PIK3C2G: variants seen among roughly 807,000 people sequenced by gnomAD.
The protein encoded by PIK3C2G is phosphatidylinositol 3-kinase C2 domain-containing subunit gamma.
Under a neutral mutation model 181.1 loss-of-function variants are expected in PIK3C2G, and 168 were observed. That is an observed-to-expected ratio of 0.93 (90% CI 0.82 to 1.05). The LOEUF is 1.05. Among genes scored for constraint, PIK3C2G ranks in the 50% least tolerant of loss-of-function variants. The probability of loss-of-function intolerance (pLI) is 0.00; values close to 1 mark genes in which losing one functional copy is unlikely to be tolerated. For synonymous variants in PIK3C2G, 573 were observed against 592.2 expected, an observed-to-expected ratio of 0.97 and a Z score of 0.47; for missense variants, 1,869 against 1,732.8, an observed-to-expected ratio of 1.08 and a Z score of -1.40.
intron 26 of PIK3C2G, among the ~76,000 whole-genome samples, chr12:18,554,395 A>G (rs1944894394): frequency 6.6e-6 from 1 of 152,066 alleles, no homozygotes; most frequent in Non-Finnish European, 1.5e-5. Flanking sequence ...CAAAGCCCCA[A>G]GGATTCATGT....
intron 32 of PIK3C2G, among the ~76,000 whole-genome samples, chr12:18,642,954 C>A (rs939633581): frequency 1.3e-5 from 2 of 152,038 alleles, no homozygotes; most frequent in Non-Finnish European, 2.9e-5. Context: ...CACTTCCCAA[C>A]AATATATCAC....
intron 7 of PIK3C2G, among the ~76,000 whole-genome samples, chr12:18,323,767 C>T (rs1271652902): frequency 1.3e-5 from 2 of 152,152 alleles, no homozygotes; most frequent in Non-Finnish European, 2.9e-5. Context: ...GATTTCAGCC[C>T]TTCTCTTTTA....
chr12:18,367,278 G>A (rs1209302766), intron 12 of PIK3C2G, among the ~76,000 whole-genome samples: 1 of 152,142 alleles, frequency 6.6e-6, no homozygotes, highest in Non-Finnish European at 1.5e-5. Context: ...TTTAAGCTGA[G>A]AAATATGTCC....
chr12:18,681,515 A>C, the PIK3C2G span, among the ~76,000 whole-genome samples: 4 of 152,070 alleles, frequency 2.6e-5, no homozygotes, highest in Admixed American at 2.0e-4. Flanking sequence ...GGAGTTTTAC[A>C]TGAATAAAAT....
chr12:18,442,885 T>C, intron 18 of PIK3C2G, among the ~76,000 whole-genome samples: 1 of 152,104 alleles, frequency 6.6e-6, no homozygotes, highest in East Asian at 1.9e-4. Context: ...TTTTTTTTTT[T>C]TTTGAGACAG....
At chr12:18,493,928 T>G (rs1029069898) in intron 20 of PIK3C2G, among the ~76,000 whole-genome samples, 1 of 152,288 alleles carries the variant, frequency 6.6e-6, no homozygotes, top group South Asian at 2.1e-4. Flanking sequence ...TCCTTTTAAA[T>G]CACTAAAGGA....
chr12:18,478,691 T>C (rs1031739003), intron 18 of PIK3C2G, among the ~76,000 whole-genome samples: 1 of 152,240 alleles, frequency 6.6e-6, no homozygotes, highest in Non-Finnish European at 1.5e-5. Flanking sequence ...CAAAGTTATA[T>C]TTAAGGCTGG....
chr12:18,723,159 AAATAT>A, the PIK3C2G span: 1 of 664,078 alleles, frequency 1.5e-6, no homozygotes, highest in South Asian at 2.0e-5. Context: ...CAATTCTATA[AAATAT>A]ATTTTCTCAA....
intron 5 of PIK3C2G, among the ~76,000 whole-genome samples, chr12:18,294,980 A>G (rs1949871150): frequency 6.7e-6 from 1 of 149,220 alleles, no homozygotes; most frequent in Non-Finnish European, 1.5e-5. Flanking sequence ...TTTACTGTGC[A>G]GTGTTAACAG....
At chr12:18,264,680 T>A (rs1948404243) in intron 1 of PIK3C2G, among the ~76,000 whole-genome samples, 1 of 152,146 alleles carries the variant, frequency 6.6e-6, no homozygotes, top group African/African-American at 2.4e-5. Context: ...GACAGCTACT[T>A]TTTGGAATAT....
chr12:18,658,583 T>C, the PIK3C2G span, among the ~76,000 whole-genome samples: 1 of 152,116 alleles, frequency 6.6e-6, no homozygotes, highest in Non-Finnish European at 1.5e-5. Flanking sequence ...TGATAAAAAC[T>C]ATTTTTGAAA....
chr12:18,431,919 A>T (rs759326397), intron 18 of PIK3C2G, among the ~76,000 whole-genome samples: 5 of 152,158 alleles, frequency 3.3e-5, no homozygotes, highest in Non-Finnish European at 7.3e-5. Context: ...ACCAAAAGCA[A>T]CTGTTCTCTA....
At chr12:18,375,690 G>T (rs567014819) in intron 13 of PIK3C2G, among the ~76,000 whole-genome samples, 24 of 152,326 alleles carry the variant, frequency 1.6e-4, no homozygotes, top group Admixed American at 1.3e-3. Flanking sequence ...GGTCTCAAAG[G>T]CATTTCAGAG....
intron 18 of PIK3C2G, among the ~76,000 whole-genome samples, chr12:18,482,205 C>T (rs12817528): frequency 7.5e-6 from 1 of 133,524 alleles, no homozygotes; most frequent in African/African-American, 2.8e-5. Context: ...TAGCCAAGAT[C>T]TAGCTTAGGA....
chr12:18,543,234 G>GT (rs1377481164), intron 25 of PIK3C2G, among the ~76,000 whole-genome samples: 7 of 151,938 alleles, frequency 4.6e-5, no homozygotes, highest in East Asian at 1.9e-4. Context: ...TTTTTAATGG[G>GT]TTTTTTTGTT....
At chr12:18,664,976 G>A in the PIK3C2G span, among the ~76,000 whole-genome samples, 3 of 128,806 alleles carry the variant, frequency 2.3e-5, no homozygotes, top group Non-Finnish European at 4.7e-5. Flanking sequence ...ATGGACACAG[G>A]AAGGGGAACA....
intron 1 of PIK3C2G, among the ~76,000 whole-genome samples, chr12:18,264,367 C>T (rs1392176751): frequency 6.6e-6 from 1 of 152,068 alleles, no homozygotes; most frequent in Non-Finnish European, 1.5e-5. Context: ...CTCACCTCCC[C>T]TTCTGGTATT....
the PIK3C2G span, chr12:18,701,926 C>G: frequency 8.6e-7 from 1 of 1,163,438 alleles, no homozygotes; most frequent in Non-Finnish European, 1.2e-6. Context: ...CTATTCACAT[C>G]TCAGTAGAGG....
At chr12:18,712,918 A>G in the PIK3C2G span, 1 of 1,613,986 alleles carries the variant, frequency 6.2e-7, no homozygotes, top group South Asian at 1.1e-5. Context: ...GCCATGATAT[A>G]CAACAGGTTC....
Sources: allele counts gnomAD v4.1 joint callset (sites outside exome capture counted in the v4.1 genomes callset), GRCh38; gene constraint gnomAD v4.1.1; transcripts MANE v1.5; gene names NCBI Gene and HGNC (gene_info 2026-07-23, HGNC 2026-07-21).